The following ANO2 variants were observed in gnomAD, a reference collection of about 807,000 sequenced individuals.
ANO2 encodes the protein anoctamin 2.
Under a neutral mutation model 124.2 loss-of-function variants are expected in ANO2, and 101 were observed. The ratio of observed to expected loss-of-function variants is 0.81; its 90% CI spans 0.69 to 0.96. The LOEUF (loss-of-function observed/expected upper bound fraction) is 0.96. Ranked by LOEUF, ANO2 falls within the 40% of genes least tolerant of loss-of-function variation. The pLI is 0.00. For synonymous variants in ANO2, 486 were observed against 482.5 expected, an observed-to-expected ratio of 1.01 and a Z score of -0.09; for missense variants, 1,293 against 1,274.5, an observed-to-expected ratio of 1.01 and a Z score of -0.22.
In ANO2 at chr12:5,577,971, A is replaced by G; in HGVS notation, c.2423T>C (p.Phe808Ser). Residue 808 changes from phenylalanine (F) to serine (S), a missense_variant, in exon 22 of 25, where the codon TTC becomes TCC. Physicochemically the swap from Phe to Ser is radical, Grantham distance 155. Coordinates refer to ENST00000682330, the MANE Select transcript of ANO2 (RefSeq NM_001364791.2). ...AGTACTTACGTTGCTGATAACAGAG[A>G]ACTTGCCAATTCCAGAGAGAATGTC... ...WFDILSGIGK[F>S]SVISNAFVIA... The G allele has an allele frequency of 6.2e-7, 1 of 1,613,892 alleles. No individual in the cohort carries two copies. The highest frequency in any genetic ancestry group is 8.5e-7 in the Non-Finnish European group (1 of 1,179,812).
intron 5 of ANO2, 111 bp from the exon 6 acceptor site, chr12:5,830,600 T>C: frequency 2.3e-6 from 2 of 859,460 alleles, no homozygotes; most frequent in East Asian, 2.8e-5. Flanking sequence ...GCAAGACTTA[T>C]GAGGTGCACA....
At chr12:5,581,050 G>A (rs1942725752) in intron 20 of ANO2, among the ~76,000 whole-genome samples, 1 of 152,186 alleles carries the variant, frequency 6.6e-6, no homozygotes, top group South Asian at 2.1e-4. Context: ...TTTAAATAAA[G>A]CTTTGCTGAG....
chr12:5,566,067 A>T lies in ANO2; in HGVS notation c.2622-404T>A, dbSNP rs1397756844. Among the ~76,000 whole-genome samples the T allele has an allele frequency of 2.0e-5, 3 of 150,034 alleles. No individual in the cohort carries two copies. In the East Asian group the frequency reaches 5.8e-4, roughly 29 times the overall value. On this transcript the variant is annotated intron_variant, in intron 23 of 24. Transcript: ENST00000682330. Reference sequence around the variant, plus strand: ...CCAGACACCCTGAATGGTGCTCTGCAGCCGGGGGGGTTGGGGAAGATGCAG... The same window carrying T: ...CCAGACACCCTGAATGGTGCTCTGCTGCCGGGGGGGTTGGGGAAGATGCAG...
At chr12:5,848,358 TC>T (rs1372732773) in intron 4 of ANO2, among the ~76,000 whole-genome samples, 6 of 144,240 alleles carry the variant, frequency 4.2e-5, no homozygotes, top group East Asian at 2.0e-4. Context: ...CTTCCCTACT[TC>T]CCCCCCTCCC....
In ANO2 at chr12:5,832,464, T is replaced by A. The variant is rs1268718881; in HGVS notation, c.773A>T (p.Glu258Val). 6.2e-7 allele frequency: 1 copy of A among 1,613,966 alleles called. No individual in the cohort carries two copies. The highest frequency in any genetic ancestry group is 8.5e-7 in the Non-Finnish European group (1 of 1,179,868). Residue 258 changes from glutamate to valine, a missense_variant, in exon 5 of 25, where the codon GAG becomes GTG. Transcript: ENST00000682330. ...MKNLSYPFSR[E>V]KMYLYNIQEK... ...CTTCAATACTCACAGGTACATCTTC[T>A]CCCTGGAGAATGGGTAGGAGAGGTT...
intron 14 of ANO2, among the ~76,000 whole-genome samples, chr12:5,656,694 G>A (rs1947176050): frequency 6.6e-6 from 1 of 152,208 alleles, no homozygotes; most frequent in Non-Finnish European, 1.5e-5. Context: ...CATAGTGCAA[G>A]CTCTTTAATT....
At chr12:5,757,319 T>C (rs1244877598) in intron 10 of ANO2, among the ~76,000 whole-genome samples, 1 of 152,236 alleles carries the variant, frequency 6.6e-6, no homozygotes, top group African/African-American at 2.4e-5. Context: ...AAGTGATTTC[T>C]TGTAAAAAGA....
chr12:5,571,698 T>TA (rs1942131971), intron 23 of ANO2, among the ~76,000 whole-genome samples: 1 of 152,174 alleles, frequency 6.6e-6, no homozygotes, highest in African/African-American at 2.4e-5. Context: ...CCCTCTCTCT[T>TA]TCTTCTCTCT....
chr12:5,764,144 T>G (rs1315940912), intron 10 of ANO2, among the ~76,000 whole-genome samples: 2 of 152,196 alleles, frequency 1.3e-5, no homozygotes, highest in African/African-American at 2.4e-5. Context: ...TTCATCTTGA[T>G]CATCTTGCTT....
intron 10 of ANO2, among the ~76,000 whole-genome samples, chr12:5,796,899 A>C (rs1352879921): frequency 6.6e-6 from 1 of 152,204 alleles, no homozygotes; most frequent in Non-Finnish European, 1.5e-5. Context: ...GCTCACACAG[A>C]GGTTTTAGAA....
At chr12:5,918,419 G>A (rs1941500037) in intron 3 of ANO2, among the ~76,000 whole-genome samples, 1 of 151,144 alleles carries the variant, frequency 6.6e-6, no homozygotes, top group Non-Finnish European at 1.5e-5. Context: ...TCCAGTTTGA[G>A]GAAAGCATTA....
rs3741905 is a variant in ANO2, at chr12:5,922,606, C to T, written c.207+14G>A. Reference sequence around the variant, plus strand: ...CTGGCCTATCCCCCCACCCCACCCCCGCCCAGTACTCACAGAGCTGCTGCG... The same window carrying T: ...CTGGCCTATCCCCCCACCCCACCCCTGCCCAGTACTCACAGAGCTGCTGCG... On this transcript the variant is annotated intron_variant, in intron 2 of 24. Transcript: ENST00000682330. 183,430 of 1,523,354 alleles carry T rather than the reference C, an allele frequency of 0.12. 11,322 individuals are homozygous for T. The highest frequency in any genetic ancestry group is 0.29 in the African/African-American group (21,274 of 72,198). 94.4% of individuals were successfully genotyped at this position (1,523,354 alleles called of 1,614,324 possible). A position where few individuals can be genotyped will look rare whatever the true frequency, so the allele number is the denominator to read the frequency against.
At chr12:5,907,001 T>C (rs1422828294) in intron 3 of ANO2, among the ~76,000 whole-genome samples, 1 of 152,098 alleles carries the variant, frequency 6.6e-6, no homozygotes, top group Non-Finnish European at 1.5e-5. Context: ...TCAAATAACA[T>C]TTTTAAATAA....
At chr12:5,880,207 A>G (rs1275796501) in intron 3 of ANO2, among the ~76,000 whole-genome samples, 1 of 152,204 alleles carries the variant, frequency 6.6e-6, no homozygotes, top group Non-Finnish European at 1.5e-5. Flanking sequence ...CAGAGAAGAT[A>G]CTGAGTTTTT....
chr12:5,677,504 A>G (rs1948300101), intron 14 of ANO2, among the ~76,000 whole-genome samples: 1 of 152,148 alleles, frequency 6.6e-6, no homozygotes, highest in Non-Finnish European at 1.5e-5. Context: ...AAGGGGAGCA[A>G]CAGACGTTCT....
intron 14 of ANO2, among the ~76,000 whole-genome samples, chr12:5,731,424 T>C (rs1326358950): frequency 1.3e-5 from 2 of 152,134 alleles, no homozygotes; most frequent in Non-Finnish European, 2.9e-5. Flanking sequence ...TTTTGATGCT[T>C]GCATAAATTT....
Position 5,612,887 on chromosome 12 carries a change from G to GTGGC in ANO2, c.1986+10_1986+13dup, listed in dbSNP as rs1565475015. 1.9e-6 allele frequency: 3 copies of GTGGC among 1,613,758 alleles called. No individual in the cohort carries two copies. The highest frequency in any genetic ancestry group is 1.7e-5 in the Admixed American group (1 of 59,996). ...TTGGGGTGCCAGGCATGAAACACCA[G>GTGGC]TGGCTGTACTTGCCTCTTCCATGCG... On this transcript the variant is annotated intron_variant, in intron 18 of 24. Transcript: ENST00000682330.
chr12:5,824,584 T>C (rs964144552), intron 7 of ANO2, among the ~76,000 whole-genome samples: 1 of 152,172 alleles, frequency 6.6e-6, no homozygotes, highest in African/African-American at 2.4e-5. Flanking sequence ...ATTCAACAAG[T>C]CTCTAGGAAG....
chr12:5,800,830 T>C (rs1953014911), intron 9 of ANO2, among the ~76,000 whole-genome samples: 1 of 152,116 alleles, frequency 6.6e-6, no homozygotes, highest in African/African-American at 2.4e-5. Flanking sequence ...ATTCGAGAGT[T>C]ATTGAAGAGG....
Sources: gnomAD v4.1 joint callset for allele counts (sites outside exome capture counted in the v4.1 genomes callset) on GRCh38, gnomAD v4.1.1 for gene constraint, MANE v1.5 for transcripts, NCBI Gene and HGNC (gene_info 2026-07-23, HGNC 2026-07-21) for gene names.